DPP10: variants seen among roughly 807,000 people sequenced by gnomAD.
DPP10 encodes the protein inactive dipeptidyl peptidase 10.
In DPP10, 33 loss-of-function variants were observed where a neutral mutation model predicts 120.9. The ratio of observed to expected loss-of-function variants is 0.27; its 90% CI spans 0.21 to 0.37. DPP10 has a LOEUF of 0.37. Ranked by LOEUF, DPP10 falls within the 10% of genes least tolerant of loss-of-function variation. DPP10 has a pLI of 1.00. For synonymous variants in DPP10, 337 were observed against 326.1 expected, an observed-to-expected ratio of 1.03 and a Z score of -0.36; for missense variants, 816 against 942.8, an observed-to-expected ratio of 0.87 and a Z score of 1.76.
chr2:114,479,082 T>C (rs1284196291), intron 1 of DPP10, among the ~76,000 whole-genome samples: 1 of 145,244 alleles, frequency 6.9e-6, no homozygotes, highest in African/African-American at 2.6e-5. Flanking sequence ...ATGTACAGAA[T>C]CTGTATGCTG....
rs1491093369 is a variant in DPP10, at chr2:115,827,296, CAT to C, written c.1951-8859_1951-8858del. ...GTATGTATACACATACATATATACA[CAT>C]ACATATATATACACATGTACATGTA... On this transcript the variant is annotated intron_variant, in intron 21 of 25. Coordinates refer to ENST00000410059, the MANE Select transcript of DPP10 (RefSeq NM_020868.6). Among the ~76,000 whole-genome samples, 6 of 106,586 alleles carry C rather than the reference CAT, an allele frequency of 5.6e-5. No homozygotes were observed. The East Asian group carries it at 1.9e-3, about 33-fold the overall frequency. 69.9% of individuals were successfully genotyped at this position (106,586 alleles called of 152,430 possible).
At chr2:114,530,547 A>T (rs1685882637) in intron 1 of DPP10, among the ~76,000 whole-genome samples, 1 of 152,146 alleles carries the variant, frequency 6.6e-6, no homozygotes, top group Admixed American at 6.6e-5. Flanking sequence ...AGTTGCTCTC[A>T]GGTCAACGAT....
chr2:114,853,923 G>A (rs1035628208), intron 1 of DPP10, among the ~76,000 whole-genome samples: 5 of 152,286 alleles, frequency 3.3e-5, no homozygotes, highest in Middle Eastern at 3.4e-3. Context: ...GCTGTCTGCC[G>A]CCCTAGTCAA....
intron 7 of DPP10, among the ~76,000 whole-genome samples, chr2:115,703,210 T>C (rs1258027660): frequency 3.3e-5 from 5 of 151,760 alleles, no homozygotes; most frequent in African/African-American, 1.2e-4. Context: ...TTTAAATTTA[T>C]TTATTATTAT....
At chr2:115,774,325 C>T (rs577436563) in intron 13 of DPP10, among the ~76,000 whole-genome samples, 3 of 151,850 alleles carry the variant, frequency 2.0e-5, no homozygotes, top group African/African-American at 7.2e-5. Context: ...AAATATTGAG[C>T]AAAGTTTCTT....
intron 3 of DPP10, among the ~76,000 whole-genome samples, chr2:115,431,035 A>G (rs932196928): frequency 3.9e-5 from 6 of 152,238 alleles, no homozygotes; most frequent in African/African-American, 1.4e-4. Context: ...CAGATATGAT[A>G]CTAGCTTCTT....
At chr2:114,450,968 A>G (rs953982387) in intron 1 of DPP10, among the ~76,000 whole-genome samples, 2 of 152,142 alleles carry the variant, frequency 1.3e-5, no homozygotes, top group African/African-American at 4.8e-5. Flanking sequence ...ACGGACTGAA[A>G]AACACCACTT....
At chr2:114,595,465 G>C (rs1331032112) in intron 1 of DPP10, among the ~76,000 whole-genome samples, 2 of 152,068 alleles carry the variant, frequency 1.3e-5, no homozygotes, top group African/African-American at 4.8e-5. Flanking sequence ...GGTTTGGAAG[G>C]TCCATGCCTA....
chr2:115,287,715 A>G (rs559501149), intron 1 of DPP10, among the ~76,000 whole-genome samples: 7 of 152,080 alleles, frequency 4.6e-5, no homozygotes, highest in East Asian at 1.9e-4. Flanking sequence ...TGCACCAACA[A>G]TGACCAAGCT....
intron 1 of DPP10, among the ~76,000 whole-genome samples, chr2:114,751,470 G>C (rs1679214753): frequency 1.3e-5 from 2 of 152,164 alleles, no homozygotes; most frequent in South Asian, 4.1e-4. Flanking sequence ...TGGACATCTA[G>C]GGAGTCTTGC....
chr2:115,217,189 A>G (rs879116729), intron 1 of DPP10, among the ~76,000 whole-genome samples: 1 of 152,184 alleles, frequency 6.6e-6, no homozygotes, highest in Admixed American at 6.5e-5. Context: ...TTTGAATCCT[A>G]CGTCTGCTAA....
intron 19 of DPP10, among the ~76,000 whole-genome samples, chr2:115,792,811 A>T (rs1684132388): frequency 6.6e-6 from 1 of 152,190 alleles, no homozygotes; most frequent in African/African-American, 2.4e-5. Context: ...CTGAAAAATA[A>T]ACTTTCTCAA....
intron 5 of DPP10, among the ~76,000 whole-genome samples, chr2:115,549,978 G>A (rs1478540270): frequency 6.6e-6 from 1 of 152,072 alleles, no homozygotes; most frequent in Non-Finnish European, 1.5e-5. Flanking sequence ...AAGTCACTGT[G>A]ATGATGTGAT....
chr2:115,545,052 T>C (rs2079415547), intron 5 of DPP10, among the ~76,000 whole-genome samples: 1 of 151,936 alleles, frequency 6.6e-6, no homozygotes, highest in South Asian at 2.1e-4. Context: ...GATTTATTAC[T>C]GAGGCCCAAA....
At chr2:115,687,253 A>C (rs769272378) in intron 5 of DPP10, among the ~76,000 whole-genome samples, 103 of 152,030 alleles carry the variant, frequency 6.8e-4, no homozygotes, top group Non-Finnish European at 1.3e-3. Context: ...TTCTTCTTCC[A>C]ACCTTGTTCA....
chr2:114,578,816 C>T (rs1690262752), intron 1 of DPP10, among the ~76,000 whole-genome samples: 2 of 152,116 alleles, frequency 1.3e-5, no homozygotes, highest in South Asian at 2.1e-4. Flanking sequence ...ATACCTGATC[C>T]TCTTCTATTT....
chr2:115,306,994 G>T (rs1250398524), intron 1 of DPP10, among the ~76,000 whole-genome samples: 1 of 151,980 alleles, frequency 6.6e-6, no homozygotes, highest in African/African-American at 2.4e-5. Context: ...TTTACAAGTG[G>T]CATTATAGTG....
chr2:115,445,118 T>A (rs887894913), intron 3 of DPP10, among the ~76,000 whole-genome samples: 4 of 152,198 alleles, frequency 2.6e-5, no homozygotes, highest in African/African-American at 9.6e-5. Flanking sequence ...AAGAAGGTAC[T>A]TGCTTCTCCT....
At chr2:114,990,972 C>T (rs1487924504) in intron 1 of DPP10, among the ~76,000 whole-genome samples, 2 of 152,126 alleles carry the variant, frequency 1.3e-5, no homozygotes, top group Non-Finnish European at 2.9e-5. Flanking sequence ...CAACAAATGA[C>T]ACTTCTGTTG....
Sources: gnomAD v4.1 joint callset for allele counts (sites outside exome capture counted in the v4.1 genomes callset) on GRCh38, gnomAD v4.1.1 for gene constraint, MANE v1.5 for transcripts, NCBI Gene and HGNC (gene_info 2026-07-23, HGNC 2026-07-21) for gene names.